OR1J2: variants seen among roughly 807,000 people sequenced by gnomAD.
OR1J2 encodes the protein olfactory receptor 1J2.
For synonymous variants in OR1J2, 142 were observed against 99.7 expected (o/e 1.42, Z -2.52); for missense variants, 304 against 246.1 (o/e 1.24, Z -1.57).
chr9:122,474,333 A>G, the OR1J2 span, among the ~76,000 whole-genome samples: 1 of 152,220 alleles, frequency 6.6e-6, no homozygotes, highest in African/African-American at 2.4e-5. Context: ...GATAAGCCTA[A>G]GAGCTTCTCC....
the OR1J2 span, among the ~76,000 whole-genome samples, chr9:122,504,942 T>C: frequency 6.6e-6 from 1 of 152,144 alleles, no homozygotes; most frequent in African/African-American, 2.4e-5. Flanking sequence ...ATAGCTAAAC[T>C]ATCTTACAGC....
the OR1J2 span, among the ~76,000 whole-genome samples, chr9:122,461,322 G>A: frequency 5.9e-5 from 9 of 151,892 alleles, no homozygotes; most frequent in African/African-American, 2.2e-4. Context: ...TAATCATAAA[G>A]GGATACTAGA....
At chr9:122,492,641 C>G in the OR1J2 span, among the ~76,000 whole-genome samples, 1 of 152,128 alleles carries the variant, frequency 6.6e-6, no homozygotes, top group Non-Finnish European at 1.5e-5. Flanking sequence ...TCCCTTTTCT[C>G]TGCAGCCTCA....
the OR1J2 span, among the ~76,000 whole-genome samples, chr9:122,541,920 T>C: frequency 6.6e-6 from 1 of 152,220 alleles, no homozygotes. Flanking sequence ...TATACACCAA[T>C]GTAAACACCC....
chr9:122,478,465 A>G, the OR1J2 span, among the ~76,000 whole-genome samples: 1 of 152,192 alleles, frequency 6.6e-6, no homozygotes, highest in Non-Finnish European at 1.5e-5. Flanking sequence ...CTGCTTGTCT[A>G]CACAGTGCAT....
chr9:122,536,623 G>C, the OR1J2 span, among the ~76,000 whole-genome samples: 2 of 152,124 alleles, frequency 1.3e-5, no homozygotes, highest in African/African-American at 4.8e-5. Context: ...ACTGACAATT[G>C]TAATTTTTTT....
At chr9:122,538,104 TG>T in the OR1J2 span, among the ~76,000 whole-genome samples, 1 of 152,158 alleles carries the variant, frequency 6.6e-6, no homozygotes. Flanking sequence ...CTTTCTTATC[TG>T]TGCAGCTGTG....
At chr9:122,546,635 C>T in the OR1J2 span, among the ~76,000 whole-genome samples, 1 of 152,254 alleles carries the variant, frequency 6.6e-6, no homozygotes, top group South Asian at 2.1e-4. Context: ...TCTTCTTTCA[C>T]TTTACCACAA....
the OR1J2 span, among the ~76,000 whole-genome samples, chr9:122,575,899 T>G: frequency 1.3e-5 from 2 of 152,146 alleles, no homozygotes; most frequent in Non-Finnish European, 2.9e-5. Flanking sequence ...ATTTTGTCCC[T>G]CCCCCTACCT....
rs771628528 is a variant in OR1J2, at chr9:122,510,936, C to T, written c.135C>T (p.Ile45=). 1 of 1,612,556 alleles carries T rather than the reference C, an allele frequency of 6.2e-7. No individual in the cohort carries two copies. Among genetic ancestry groups the T allele is most frequent in the Admixed American group, 1.7e-5 (1 of 60,032 alleles). ...CCACGGTGCTGGGGAACCTGCTCAT[C>T]ATGCTGCTCATCCAGCTGGACTCTC... ...YLTTVLGNLL[I]MLLIQLDSHL... Residue 45 remains isoleucine, a synonymous_variant, in exon 1 of 1, where the codon ATC becomes ATT. Coordinates refer to ENST00000335302, the MANE Select transcript of OR1J2 (RefSeq NM_054107.1).
the OR1J2 span, chr9:122,554,247 A>G: frequency 2.0e-6 from 2 of 1,021,010 alleles, no homozygotes; most frequent in African/African-American, 3.3e-5. Context: ...TGTCATGTTG[A>G]TATTAGGGGA....
chr9:122,514,387 C>T (rs1196920126), downstream of OR1J2, among the ~76,000 whole-genome samples: 1 of 152,128 alleles, frequency 6.6e-6, no homozygotes, highest in Non-Finnish European at 1.5e-5. Context: ...ATTTGGTTTT[C>T]TGTTTCTGTG....
chr9:122,520,938 ACTT>A, the OR1J2 span, among the ~76,000 whole-genome samples: 1 of 152,050 alleles, frequency 6.6e-6, no homozygotes, highest in African/African-American at 2.4e-5. Context: ...TCATTCCTCT[ACTT>A]AAAGATAAAC....
At chr9:122,542,699 G>T in the OR1J2 span, among the ~76,000 whole-genome samples, 1 of 152,016 alleles carries the variant, frequency 6.6e-6, no homozygotes. Flanking sequence ...TACATAAAAT[G>T]TACCTATTTT....
downstream of OR1J2, among the ~76,000 whole-genome samples, chr9:122,513,248 G>T (rs537131584): frequency 1.4e-3 from 219 of 152,306 alleles, no homozygotes; most frequent in Admixed American, 2.1e-3. Context: ...TATACATAAA[G>T]ATAAGGCTAA....
chr9:122,470,089 A>G, the OR1J2 span, among the ~76,000 whole-genome samples: 5 of 152,212 alleles, frequency 3.3e-5, no homozygotes, highest in African/African-American at 1.2e-4. Context: ...TGCATAAATA[A>G]TGAGGAGCTG....
At chr9:122,519,105 T>C in the OR1J2 span, 26 of 1,420,510 alleles carry the variant, frequency 1.8e-5, no homozygotes, top group Admixed American at 2.0e-5. Flanking sequence ...CCTTTTTCAA[T>C]GTCCCTCTAT....
the OR1J2 span, among the ~76,000 whole-genome samples, chr9:122,470,531 C>A: frequency 6.6e-6 from 1 of 152,188 alleles, no homozygotes; most frequent in Non-Finnish European, 1.5e-5. Flanking sequence ...GGGGTTGGAA[C>A]CCCCACACAG....
the OR1J2 span, among the ~76,000 whole-genome samples, chr9:122,499,995 C>G: frequency 6.6e-6 from 1 of 152,318 alleles, no homozygotes; most frequent in South Asian, 2.1e-4. Context: ...AACAGGAGCA[C>G]AATTATAGCA....
Sources: gnomAD v4.1 joint callset for allele counts (sites outside exome capture counted in the v4.1 genomes callset) on GRCh38, gnomAD v4.1.1 for gene constraint, MANE v1.5 for transcripts, NCBI Gene and HGNC (gene_info 2026-07-23, HGNC 2026-07-21) for gene names.